RTN4: variants seen among roughly 807,000 people sequenced by gnomAD.
RTN4 encodes the protein reticulon-4.
A neutral mutation model predicts 90.4 loss-of-function variants in RTN4; 32 were observed. The ratio of observed to expected loss-of-function variants is 0.35; its 90% CI spans 0.27 to 0.48. The LOEUF is 0.48. RTN4 is among the 20% of genes least tolerant of loss of function. RTN4 has a pLI of 0.99. For synonymous variants in RTN4, 629 were observed against 552.5 expected (o/e 1.14, Z -1.94); for missense variants, 1,706 against 1,430.2 (o/e 1.19, Z -3.11).
At chr2:55,031,621 G>T (rs554585090) in intron 1 of RTN4, among the ~76,000 whole-genome samples, 28 of 152,312 alleles carry the variant, frequency 1.8e-4, no homozygotes, top group Non-Finnish European at 3.4e-4. Flanking sequence ...CAGTCAGAAA[G>T]GAAAGATCTC....
intron 1 of RTN4, among the ~76,000 whole-genome samples, chr2:55,040,017 T>A (rs10197533): frequency 0.12 from 18,581 of 152,030 alleles, 1,798 homozygotes; most frequent in African/African-American, 0.26. Flanking sequence ...AATGAGAAGG[T>A]ATGTTGTAGG....
intron 3 of RTN4, among the ~76,000 whole-genome samples, chr2:55,016,210 T>C (rs1481662579): frequency 6.6e-6 from 1 of 152,190 alleles, no homozygotes; most frequent in Non-Finnish European, 1.5e-5. Flanking sequence ...ATATAAGACA[T>C]TACTAAAGTT....
intron 2 of RTN4, among the ~76,000 whole-genome samples, chr2:55,061,799 C>G (rs527426532): frequency 1.3e-5 from 2 of 152,266 alleles, no homozygotes; most frequent in South Asian, 4.1e-4. Flanking sequence ...AGGGCTCCAC[C>G]CCCGGTCCTG....
chr2:55,050,829 G>A (rs1226191816), upstream of RTN4: 1 of 150,988 alleles, frequency 6.6e-6, no homozygotes, highest in Admixed American at 6.6e-5. This position sits in a 1 kb window ranked among gnomAD's most constrained non-coding sequence, Gnocchi z 4.6. Context: ...GCGTCCGTAT[G>A]TCGTTAGAGC....
chr2:55,109,575 C>G (rs1439818144), intron 1 of RTN4, among the ~76,000 whole-genome samples: 2 of 151,820 alleles, frequency 1.3e-5, no homozygotes, highest in African/African-American at 4.9e-5. Flanking sequence ...CTGATACTCA[C>G]TTGCTATGCC....
chr2:55,127,214 C>T, the RTN4 span, among the ~76,000 whole-genome samples: 1 of 152,266 alleles, frequency 6.6e-6, no homozygotes, highest in East Asian at 1.9e-4. Flanking sequence ...GGCCTTAGAG[C>T]CAGGAGCCCA....
the RTN4 span, among the ~76,000 whole-genome samples, chr2:55,125,198 G>C: frequency 5.3e-5 from 8 of 152,192 alleles, no homozygotes; most frequent in South Asian, 8.3e-4. Context: ...CATAGGAATG[G>C]GCAAAAATTT....
intron 1 of RTN4, among the ~76,000 whole-genome samples, chr2:55,089,884 TTTC>T (rs903663379): frequency 4.6e-5 from 7 of 152,024 alleles, no homozygotes; most frequent in African/African-American, 1.7e-4. Context: ...CATGGAACAT[TTTC>T]CCCATTACTG....
upstream of RTN4, among the ~76,000 whole-genome samples, chr2:55,116,636 A>G (rs964114185): frequency 2.0e-5 from 3 of 152,194 alleles, no homozygotes; most frequent in Non-Finnish European, 4.4e-5. Flanking sequence ...GGTATGTACT[A>G]TTATTATAAT....
intron 8 of RTN4, 118 bp from the exon 9 acceptor site, chr2:54,973,316 G>A (rs938520574): frequency 1.1e-5 from 11 of 1,006,312 alleles, no homozygotes; most frequent in East Asian, 5.2e-5. Context: ...CCTTAAAGCT[G>A]CCTAATTCTA....
At chr2:55,042,148 T>C (rs1683116387) in intron 1 of RTN4, among the ~76,000 whole-genome samples, 1 of 152,098 alleles carries the variant, frequency 6.6e-6, no homozygotes, top group South Asian at 2.1e-4. Flanking sequence ...ACTGTGTTGG[T>C]AAAGATATAA....
intron 5 of RTN4, among the ~76,000 whole-genome samples, chr2:54,979,170 A>T (rs541744046): frequency 4.9e-4 from 75 of 151,566 alleles, no homozygotes; most frequent in African/African-American, 1.5e-3. Context: ...CTCTTGCCTC[A>T]GCCTCCCAAG....
In RTN4 at chr2:54,973,634, T is replaced by G. The variant is rs746884905; in HGVS notation, c.3478-13A>C. On this transcript the variant is annotated splice_polypyrimidine_tract_variant and intron_variant, in intron 7 of 8. Transcript: ENST00000337526. ...GATCTATCTGTGCCTGAAAGAGAGG[T>G]ATAAAGGAATTATTACCGTTGCTAA... 6.2e-7 allele frequency: 1 copy of G among 1,600,930 alleles called. No individual in the cohort carries two copies. Among genetic ancestry groups the G allele is most frequent in the Admixed American group, 1.7e-5 (1 of 60,014 alleles).
At chr2:55,121,409 A>T in the RTN4 span, among the ~76,000 whole-genome samples, 1 of 152,358 alleles carries the variant, frequency 6.6e-6, no homozygotes, top group Admixed American at 6.5e-5. Flanking sequence ...GAAGTTTGGG[A>T]TTAGGGTCTC....
At chr2:55,126,186 A>G in the RTN4 span, among the ~76,000 whole-genome samples, 2 of 152,154 alleles carry the variant, frequency 1.3e-5, no homozygotes, top group East Asian at 3.9e-4. Context: ...CCTGACCAAC[A>G]TGGAGAAACC....
the RTN4 span, among the ~76,000 whole-genome samples, chr2:55,125,494 G>A: frequency 1.9e-3 from 293 of 152,302 alleles, 1 homozygote; most frequent in Non-Finnish European, 3.5e-3. Context: ...GGCCGGGTGC[G>A]GTGGCTCACG....
chr2:55,049,764 C>G lies in RTN4; in HGVS notation c.537G>C (p.Arg179Ser), dbSNP rs569689764. The G allele has an allele frequency of 7.5e-7, 1 of 1,335,082 alleles. No homozygotes were observed. Among genetic ancestry groups the G allele is most frequent in the African/African-American group, 1.5e-5 (1 of 65,252 alleles). The allele number at this position is 1,335,082 out of a possible 1,614,324, so 82.7% of individuals were successfully genotyped here. A position where few individuals can be genotyped will look rare whatever the true frequency, so the allele number is the denominator to read the frequency against. ...ACTCACCCACTGAGCCCGAGGAGCC[C>G]CTGCGCTTGGGCGCGGCCGGGGTGG... ...PPSTPAAPKR[R>S]GSSGSVDETL... The change falls in exon 1 of 9, where the codon AGG (arginine) becomes AGC (serine). Residue 179 changes from arginine to serine, a missense_variant. By Grantham distance (110) the Arg-to-Ser change is moderately radical (BLOSUM62 -1). Coordinates refer to ENST00000337526, the MANE Select transcript of RTN4 (RefSeq NM_020532.5).
chr2:55,128,814 G>GT, the RTN4 span, among the ~76,000 whole-genome samples: 5 of 151,834 alleles, frequency 3.3e-5, no homozygotes, highest in Non-Finnish European at 7.4e-5. Flanking sequence ...AAAAAAAGGG[G>GT]TGGGAGAGAG....
At chr2:55,068,678 A>AGGGGGG (rs753135042) in intron 2 of RTN4, among the ~76,000 whole-genome samples, 1 of 50,382 alleles carries the variant, frequency 2.0e-5, no homozygotes, top group African/African-American at 5.4e-5. Context: ...ACAAAAAAAA[A>AGGGGGG]GGGGGGGGGG....
Sources: gnomAD v4.1 joint callset for allele counts (sites outside exome capture counted in the v4.1 genomes callset) on GRCh38, gnomAD v4.1.1 for gene constraint, Gnocchi (gnomAD v3.1) non-coding constraint, MANE v1.5 for transcripts, NCBI Gene and HGNC (gene_info 2026-07-23, HGNC 2026-07-21) for gene names.